Variants in SLC33A1 observed in about 807,000 individuals in gnomAD.
SLC33A1 encodes solute carrier family 33 member 1, also known as acetyl-coenzyme A transporter 1.
Under a neutral mutation model 50.0 loss-of-function variants are expected in SLC33A1, and 20 were observed. The ratio of observed to expected loss-of-function variants is 0.40; its 90% CI spans 0.28 to 0.58. The LOEUF is 0.58. Ranked by LOEUF, SLC33A1 falls within the 20% of genes least tolerant of loss-of-function variation. The probability of loss-of-function intolerance (pLI) is 0.44; values close to 1 mark genes in which losing one functional copy is unlikely to be tolerated. For missense variants in SLC33A1, 476 were observed against 657.0 expected (o/e 0.72, Z 3.01); for synonymous variants, 265 against 251.8 (o/e 1.05, Z -0.50).
rs776267287 is a variant in SLC33A1, at chr3:155,842,648, T to G, written c.776-29A>C. On this transcript the variant is annotated intron_variant, in intron 1 of 5. Coordinates refer to ENST00000643144, the MANE Select transcript of SLC33A1 (RefSeq NM_004733.4). Reference sequence around the variant, plus strand: ...AAAATGTTTTAAATCTATAATTAATTTTTAAAATTACATAATTTCATTGAT... The same window carrying G: ...AAAATGTTTTAAATCTATAATTAATGTTTAAAATTACATAATTTCATTGAT... 5.2e-6 allele frequency: 6 copies of G among 1,160,828 alleles called. No homozygotes were observed. The South Asian group carries it at 8.9e-5, about 17-fold the overall frequency. The allele number at this position is 1,160,828 out of a possible 1,614,324, so 71.9% of individuals were successfully genotyped here.
chr3:155,840,003 C>G (rs967039884), intron 2 of SLC33A1, among the ~76,000 whole-genome samples: 1 of 151,786 alleles, frequency 6.6e-6, no homozygotes, highest in Non-Finnish European at 1.5e-5. Flanking sequence ...CGTATACACA[C>G]ATACATGCAC....
chr3:155,836,025 C>T (rs2109317241), intron 2 of SLC33A1, among the ~76,000 whole-genome samples: 1 of 151,620 alleles, frequency 6.6e-6, no homozygotes, highest in East Asian at 1.9e-4. Context: ...TGGCTCATGC[C>T]TGTAATTCCA....
At chr3:155,837,844 ATATGT>A (rs1355871702) in intron 2 of SLC33A1, among the ~76,000 whole-genome samples, 1 of 152,192 alleles carries the variant, frequency 6.6e-6, no homozygotes, top group Non-Finnish European at 1.5e-5. Context: ...AAGTTAGGAG[ATATGT>A]TATTAGGGGG....
chr3:155,849,708 G>A (rs1350476307), intron 1 of SLC33A1, among the ~76,000 whole-genome samples: 1 of 151,564 alleles, frequency 6.6e-6, no homozygotes, highest in Non-Finnish European at 1.5e-5. Flanking sequence ...AGGAGTTCAA[G>A]ACCAGCCTGG....
chr3:155,829,837 C>T lies in SLC33A1; in HGVS notation c.1333G>A (p.Gly445Arg). The change falls in exon 5 of 6, where the codon GGA becomes AGA. Residue 445 changes from glycine to arginine, a missense_variant. By Grantham distance (125) the Gly-to-Arg change is moderately radical. Transcript: ENST00000643144. ...FNAKVSDPLI[G>R]GTYMTLLNTV... ...TTTAAAAGGGTCATGTATGTTCCTCCAATAAGTGGATCACTAACCTTTGCA... is the reference window on the plus strand; with the variant it reads ...TTTAAAAGGGTCATGTATGTTCCTCTAATAAGTGGATCACTAACCTTTGCA... 1 of 1,613,724 alleles carries T rather than the reference C, an allele frequency of 6.2e-7. No homozygotes were observed. Among genetic ancestry groups the T allele is most frequent in the Non-Finnish European group, 8.5e-7 (1 of 1,179,678 alleles).
intron 4 of SLC33A1, among the ~76,000 whole-genome samples, chr3:155,832,497 C>T (rs1752479036): frequency 6.6e-6 from 1 of 151,804 alleles, no homozygotes; most frequent in Non-Finnish European, 1.5e-5. Flanking sequence ...ACACAGCTTT[C>T]AAAATCATAA....
In SLC33A1 at chr3:155,829,798, G is replaced by T. The variant is rs1301745879; in HGVS notation, c.1372C>A (p.Leu458Met). 1.9e-6 allele frequency: 3 copies of T among 1,613,832 alleles called. No individual in the cohort carries two copies. The Admixed American group carries it at 5.0e-5, about 27-fold the overall frequency. ...ACTGTAGAAGGCCAGTTTCCTCCCA[G>T]ATTGGACACGGTATTTAAAAGGGTC... ...YMTLLNTVSN[L>M]GGNWPSTVAL... The change falls in exon 5 of 6, where the codon CTG (leucine) becomes ATG (methionine). Residue 458 changes from leucine (L) to methionine (M), a missense_variant. Physicochemically the swap from Leu to Met is conservative, Grantham distance 15. Transcript: ENST00000643144.
In SLC33A1 at chr3:155,853,994, A is replaced by T. The variant is rs1753525311; in HGVS notation, c.4T>A (p.Ser2Thr). Residue 2 changes from serine to threonine, a missense_variant, in exon 1 of 6, where the codon TCA becomes ACA. Coordinates refer to ENST00000643144, the MANE Select transcript of SLC33A1 (RefSeq NM_004733.4). ...CTGTCCTTGTGGGAGATGGTGGGTGACATATCAGAGACGATGCAGAGCCCC... is the reference window on the plus strand; with the variant it reads ...CTGTCCTTGTGGGAGATGGTGGGTGTCATATCAGAGACGATGCAGAGCCCC... MSPTISHKDSSR... is the reference protein window; with the variant it reads MTPTISHKDSSR... The T allele has an allele frequency of 1.3e-6, 2 of 1,544,326 alleles. No homozygotes were observed. The highest frequency in any genetic ancestry group is 2.2e-5 in the Admixed American group (1 of 46,112).
chr3:155,827,667 A>G lies in SLC33A1; in HGVS notation c.*543T>C, dbSNP rs1164602191. On this transcript the variant is annotated 3_prime_UTR_variant, in exon 6 of 6. Transcript: ENST00000643144. ...CATTTGTACAATGTGGTCATAAGAA[A>G]AATAACTAAAATGACATTTCAGTAG... 1 of 152,746 alleles carries G rather than the reference A, an allele frequency of 6.5e-6. No homozygotes were observed. The highest frequency in any genetic ancestry group is 1.5e-5 in the Non-Finnish European group (1 of 68,442). 9.5% of individuals were successfully genotyped at this position (152,746 alleles called of 1,614,324 possible). A position where few individuals can be genotyped will look rare whatever the true frequency, so the allele number is the denominator to read the frequency against.
At chr3:155,829,630 C>G in intron 5 of SLC33A1, 58 bp downstream of exon 5, 1 of 1,243,776 alleles carries the variant, frequency 8.0e-7, no homozygotes, top group Non-Finnish European at 1.2e-6. Context: ...AGAGACAAAA[C>G]AAAGATATTA....
intron 2 of SLC33A1, among the ~76,000 whole-genome samples, chr3:155,838,904 T>C (rs945157691): frequency 6.6e-6 from 1 of 151,558 alleles, no homozygotes; most frequent in African/African-American, 2.4e-5. Context: ...ATACTAGCAC[T>C]TTGGGAGGCT....
chr3:155,832,699 G>A (rs1239297429), intron 4 of SLC33A1, among the ~76,000 whole-genome samples: 1 of 138,750 alleles, frequency 7.2e-6, no homozygotes, highest in Non-Finnish European at 1.5e-5. Context: ...CGTGGGCAGT[G>A]GGCAAGCAAG....
intron 5 of SLC33A1, among the ~76,000 whole-genome samples, chr3:155,828,969 C>T (rs1752302129): frequency 6.7e-6 from 1 of 149,002 alleles, no homozygotes; most frequent in Non-Finnish European, 1.5e-5. Flanking sequence ...GGGGCGCGAT[C>T]TCAGCTCACT....
intron 1 of SLC33A1, among the ~76,000 whole-genome samples, chr3:155,849,948 TAATAATAAC>T (rs1408715213): frequency 1.5e-5 from 2 of 135,340 alleles, no homozygotes; most frequent in Non-Finnish European, 3.1e-5. Flanking sequence ...ATAATAATAA[TAATAATAAC>T]AATTCACTGC....
Position 155,829,878 on chromosome 3 carries a change from G to C in SLC33A1, c.1292C>G (p.Ser431Cys), listed in dbSNP as rs779782549. The part of the protein sequence containing the change: ...HQVTVYSMYV[S>C]IMAFNAKVSD... Reference sequence around the variant, plus strand: ...AACCTTTGCATTGAAAGCCATTATAGAAACATACATGCTGTACACTGTAAC... The same window carrying C: ...AACCTTTGCATTGAAAGCCATTATACAAACATACATGCTGTACACTGTAAC... Residue 431 changes from serine (S) to cysteine (C), a missense_variant, in exon 5 of 6, where the codon TCT becomes TGT. Coordinates refer to ENST00000643144, the MANE Select transcript of SLC33A1 (RefSeq NM_004733.4). The C allele has an allele frequency of 3.7e-6, 6 of 1,611,834 alleles. No individual in the cohort carries two copies. The highest frequency in any genetic ancestry group is 1.7e-5 in the Admixed American group (1 of 59,978).
At chr3:155,853,048 A>G (rs1753464026) in intron 1 of SLC33A1, 175 bp downstream of exon 1, 1 of 634,164 alleles carries the variant, frequency 1.6e-6, no homozygotes, top group Non-Finnish European at 2.8e-6. Context: ...TTGCTCTAAT[A>G]TCATTCATTT....
Position 155,854,158 on chromosome 3 carries a change from G to A in SLC33A1, c.-161C>T. The A allele has an allele frequency of 1.9e-6, 1 of 538,004 alleles. No individual in the cohort carries two copies. The highest frequency in any genetic ancestry group is 3.7e-5 in the South Asian group (1 of 27,080). 33.3% of individuals were successfully genotyped at this position (538,004 alleles called of 1,614,324 possible). On this transcript the variant is annotated 5_prime_UTR_variant, in exon 1 of 6. Transcript: ENST00000643144. ...TAAGGGCACTTCTTACTGCAGCCCG[G>A]AGTGCTGAAGCCGGGAGCCAGTCCT...
chr3:155,828,176 A>T lies in SLC33A1; in HGVS notation c.*34T>A. The T allele has an allele frequency of 2.0e-6, 3 of 1,495,284 alleles. No individual in the cohort carries two copies. Among genetic ancestry groups the T allele is most frequent in the Non-Finnish European group, 2.8e-6 (3 of 1,071,980 alleles). 92.6% of individuals were successfully genotyped at this position (1,495,284 alleles called of 1,614,324 possible). ...GCTCTCCGAATTAAAACTAAACTAC[A>T]ATTACCTTGCTAGAATGTCCAGTAG... is the stretch of plus-strand genomic sequence containing the variant. On this transcript the variant is annotated 3_prime_UTR_variant, in exon 6 of 6. Coordinates refer to ENST00000643144, the MANE Select transcript of SLC33A1 (RefSeq NM_004733.4).
chr3:155,839,026 C>T (rs1331474335), intron 2 of SLC33A1, among the ~76,000 whole-genome samples: 1 of 151,880 alleles, frequency 6.6e-6, no homozygotes, highest in Admixed American at 6.6e-5. Context: ...CAGTGGCTCA[C>T]ACCTGTAATC....
Sources: gnomAD v4.1 joint callset for allele counts (sites outside exome capture counted in the v4.1 genomes callset) on GRCh38, gnomAD v4.1.1 for gene constraint, MANE v1.5 for transcripts, NCBI Gene and HGNC (gene_info 2026-07-23, HGNC 2026-07-21) for gene names.